Variants in SH3GLB2 observed in about 807,000 individuals in gnomAD.
The protein encoded by SH3GLB2 is SH3 domain containing GRB2 like, endophilin B2, also known as endophilin-B2.
In SH3GLB2, 24 loss-of-function variants were observed where a neutral mutation model predicts 48.0. The observed-to-expected ratio is 0.50, with a 90% CI of 0.36 to 0.70. The LOEUF (loss-of-function observed/expected upper bound fraction) is 0.70, where lower values mean the gene tolerates loss of function less well. Ranked by LOEUF, SH3GLB2 falls within the 30% of genes least tolerant of loss-of-function variation. The probability of loss-of-function intolerance (pLI) is 0.00; values close to 1 mark genes in which losing one functional copy is unlikely to be tolerated. For missense variants in SH3GLB2, 425 were observed against 516.0 expected, an observed-to-expected ratio of 0.82 and a Z score of 1.71; for synonymous variants, 227 against 207.6, an observed-to-expected ratio of 1.09 and a Z score of -0.80.
At chr9:129,025,984 G>A (rs1844139770) in intron 1 of SH3GLB2, among the ~76,000 whole-genome samples, 1 of 152,038 alleles carries the variant, frequency 6.6e-6, no homozygotes, top group South Asian at 2.1e-4. Context: ...CACTCCTCCT[G>A]CCCTCTCCCA....
Position 129,028,226 on chromosome 9 carries a change from C to T in SH3GLB2, c.-72G>A. 2 of 1,030,502 alleles carry T rather than the reference C, an allele frequency of 1.9e-6. No homozygotes were observed. The highest frequency in any genetic ancestry group is 2.4e-6 in the Non-Finnish European group (2 of 845,470). 63.8% of individuals were successfully genotyped at this position (1,030,502 alleles called of 1,614,324 possible). A position where few individuals can be genotyped will look rare whatever the true frequency, so the allele number is the denominator to read the frequency against. On this transcript the variant is annotated 5_prime_UTR_variant, in exon 1 of 11. Coordinates refer to ENST00000372564, the MANE Select transcript of SH3GLB2 (RefSeq NM_020145.4). ...CCCCCGGCCCAGCCGCCGCCGCCAACCGCACCCCGCCCACCTGCTGCGGGG... is the reference window on the plus strand; with the variant it reads ...CCCCCGGCCCAGCCGCCGCCGCCAATCGCACCCCGCCCACCTGCTGCGGGG...
rs760249424 is a variant in SH3GLB2 at position 129,014,392 on chromosome 9, G to A, written c.561+19C>T. 2.9e-5 allele frequency: 45 copies of A among 1,548,444 alleles called. No individual in the cohort carries two copies. In the South Asian group the frequency reaches 3.1e-4, roughly 11 times the overall value. ...CCAGAGCCTGGGCCAGGAGGCCAGCGGGGAGCGGGGACACCTACCGTGGCT... is the reference window on the plus strand; with the variant it reads ...CCAGAGCCTGGGCCAGGAGGCCAGCAGGGAGCGGGGACACCTACCGTGGCT... On this transcript the variant is annotated intron_variant, in intron 5 of 10. Coordinates refer to ENST00000372564, the MANE Select transcript of SH3GLB2 (RefSeq NM_020145.4). This position sits in a 1 kb window ranked among gnomAD's most constrained non-coding sequence, Gnocchi z 4.1.
chr9:129,025,613 G>A (rs1352756375), intron 1 of SH3GLB2, among the ~76,000 whole-genome samples: 1 of 150,058 alleles, frequency 6.7e-6, no homozygotes, highest in Non-Finnish European at 1.5e-5. Context: ...GACTAAGGGA[G>A]GAAGGAAGGA....
intron 1 of SH3GLB2, among the ~76,000 whole-genome samples, chr9:129,026,494 G>C (rs1844168928): frequency 6.6e-6 from 1 of 152,142 alleles, no homozygotes; most frequent in African/African-American, 2.4e-5. Flanking sequence ...GCAGCAGTGG[G>C]GTGGGCGTGC....
rs1011351281 is a variant in SH3GLB2 at position 129,014,978 on chromosome 9, G to A, written c.335-74C>T. On this transcript the variant is annotated intron_variant, in intron 3 of 10. Transcript: ENST00000372564. The surrounding 1 kb of genome is among the most constrained non-coding windows in gnomAD (Gnocchi z 4.1). Reference sequence around the variant, plus strand: ...CTCTGATCTACAGGAGAGGGCTCAGGAAGAGCTTGCTGAAGAGCAAGGGCC... The same window carrying A: ...CTCTGATCTACAGGAGAGGGCTCAGAAAGAGCTTGCTGAAGAGCAAGGGCC... 3.9e-6 allele frequency: 6 copies of A among 1,547,548 alleles called. No homozygotes were observed. The highest frequency in any genetic ancestry group is 1.8e-4 in the Middle Eastern group (1 of 5,526).
chr9:129,009,934 C>T, intron 8 of SH3GLB2, 63 bp from the exon 9 acceptor site: 1 of 1,508,140 alleles, frequency 6.6e-7, no homozygotes, highest in Non-Finnish European at 9.1e-7. Context: ...AAATTCCGTC[C>T]CCATCCCCGT....
chr9:129,010,437 T>C (rs1273556329), intron 7 of SH3GLB2: 3 of 638,626 alleles, frequency 4.7e-6, no homozygotes, highest in Non-Finnish European at 8.4e-6. Context: ...CCATCACCCA[T>C]CGGAGAAATC....
rs12554941 is a variant in SH3GLB2, at chr9:129,010,191, C to A, written c.667G>T (p.Val223Leu). The stretch of plus-strand genomic sequence containing the variant: ...TGCCGGTCAAACTCTGTCTGGGCCA[C>A]GCGGAGCTCCTGCTCGGCCTGGGCA... ...EVDKAEQELRVAQTEFDRQAE... is the reference protein window; with the variant it reads ...EVDKAEQELRLAQTEFDRQAE... Residue 223 changes from valine to leucine, a missense_variant, in exon 8 of 11, where the codon GTG becomes TTG. Transcript: ENST00000372564. The A allele has an allele frequency of 1.9e-6, 3 of 1,613,820 alleles. No individual in the cohort carries two copies. Among genetic ancestry groups the A allele is most frequent in the Non-Finnish European group, 2.5e-6 (3 of 1,179,996 alleles).
rs1842899390 is a variant in SH3GLB2, at chr9:129,008,612, CAAGT to C, written c.*68_*71del. On this transcript the variant is annotated 3_prime_UTR_variant, in exon 11 of 11. Transcript: ENST00000372564. ...TCTGAACAACTGTGTCACCAACAAACAAGTTAAGTGGCAGGGCTGCGCCCATCCT... is the reference window on the plus strand; with the variant it reads ...TCTGAACAACTGTGTCACCAACAAACTAAGTGGCAGGGCTGCGCCCATCCT... The C allele has an allele frequency of 3.0e-5, 35 of 1,176,944 alleles. 1 individual carries two copies. The South Asian group carries it at 3.9e-4, about 13-fold the overall frequency. The allele number at this position is 1,176,944 out of a possible 1,614,324, so 72.9% of individuals were successfully genotyped here.
At chr9:129,012,740 G>A (rs1843198589) in intron 5 of SH3GLB2, 1 of 558,604 alleles carries the variant, frequency 1.8e-6, no homozygotes, top group Admixed American at 3.1e-5. Context: ...CTGCATCAAG[G>A]GCCAGGCCCC....
At chr9:129,016,613 G>A (rs537678132) in intron 3 of SH3GLB2, among the ~76,000 whole-genome samples, 1 of 150,068 alleles carries the variant, frequency 6.7e-6, no homozygotes, top group Admixed American at 6.7e-5. Context: ...AACCAAGATC[G>A]CACCACTGCA....
At chr9:129,019,155 G>A (rs370999770) in intron 3 of SH3GLB2, among the ~76,000 whole-genome samples, 5 of 151,970 alleles carry the variant, frequency 3.3e-5, no homozygotes, top group South Asian at 4.2e-4. Flanking sequence ...GGGAGGCCAA[G>A]GTGGGAGGTC....
rs1189802603 is a variant in SH3GLB2 at position 129,014,086 on chromosome 9, G to A, written c.561+325C>T. The A allele has an allele frequency of 1.7e-6, 1 of 581,396 alleles. No individual in the cohort carries two copies. Among genetic ancestry groups the A allele is most frequent in the Non-Finnish European group, 3.2e-6 (1 of 307,990 alleles). The allele number at this position is 581,396 out of a possible 1,614,324, so 36.0% of individuals were successfully genotyped here. A position where few individuals can be genotyped will look rare whatever the true frequency, so the allele number is the denominator to read the frequency against. ...AGTAAGAAGGTGCCATGCCCGGGCA[G>A]AGCCGGGGACAGAGCCGAGCATCTA... On this transcript the variant is annotated intron_variant, in intron 5 of 10. Coordinates refer to ENST00000372564, the MANE Select transcript of SH3GLB2 (RefSeq NM_020145.4). This position sits in a 1 kb window ranked among gnomAD's most constrained non-coding sequence, Gnocchi z 4.1.
chr9:129,009,971 C>A, intron 8 of SH3GLB2, 100 bp from the exon 9 acceptor site: 1 of 1,388,278 alleles, frequency 7.2e-7, no homozygotes, highest in South Asian at 1.2e-5. Context: ...CTCCGGCATT[C>A]CAGGGTGCCC....
At chr9:129,009,482 G>A in intron 9 of SH3GLB2, 136 bp from the exon 10 acceptor site, 1 of 1,549,170 alleles carries the variant, frequency 6.5e-7, no homozygotes, top group Non-Finnish European at 8.7e-7. Flanking sequence ...CAGCACAAAG[G>A]GAAAAGCAAA....
intron 5 of SH3GLB2, chr9:129,013,099 C>T (rs570882219): frequency 1.3e-6 from 2 of 1,500,828 alleles, no homozygotes; most frequent in Non-Finnish European, 1.8e-6. Context: ...CAGGAGCAGG[C>T]CCCCCAGGCC....
chr9:129,022,189 C>T, intron 2 of SH3GLB2, 93 bp downstream of exon 2: 2 of 1,526,098 alleles, frequency 1.3e-6, no homozygotes, highest in East Asian at 2.3e-5. Context: ...CGGCTGCAGC[C>T]CCGCCCCACC....
intron 1 of SH3GLB2, among the ~76,000 whole-genome samples, chr9:129,023,047 G>C (rs145153984): frequency 6.6e-6 from 1 of 152,304 alleles, no homozygotes; most frequent in East Asian, 1.9e-4. Context: ...CTCCCCCATA[G>C]GTTATGAGGA....
intron 3 of SH3GLB2, among the ~76,000 whole-genome samples, chr9:129,019,881 A>G (rs147624884): frequency 9.2e-4 from 139 of 151,808 alleles, no homozygotes; most frequent in Admixed American, 1.5e-3. Context: ...TTCAGTGAAA[A>G]GATACCTGTA....
Sources: gnomAD v4.1 joint callset for allele counts (sites outside exome capture counted in the v4.1 genomes callset) on GRCh38, gnomAD v4.1.1 for gene constraint, Gnocchi (gnomAD v3.1) non-coding constraint, MANE v1.5 for transcripts, NCBI Gene and HGNC (gene_info 2026-07-23, HGNC 2026-07-21) for gene names.